Variants in TAOK1 observed in about 807,000 individuals in gnomAD.
TAOK1 encodes TAO kinase 1, also known as serine/threonine-protein kinase TAO1.
Under a neutral mutation model 138.3 loss-of-function variants are expected in TAOK1, and 21 were observed. The ratio of observed to expected loss-of-function variants is 0.15; its 90% CI spans 0.11 to 0.22. The LOEUF is 0.22. Ranked by LOEUF, TAOK1 falls within the 10% of genes least tolerant of loss-of-function variation. TAOK1 has a pLI of 1.00. For synonymous variants in TAOK1, 361 were observed against 398.4 expected (o/e 0.91, Z 1.12); for missense variants, 651 against 1,227.7 (o/e 0.53, Z 7.02).
chr17:29,446,360 G>A (rs1019461341), intron 1 of TAOK1, among the ~76,000 whole-genome samples: 3 of 151,682 alleles, frequency 2.0e-5, no homozygotes, highest in Non-Finnish European at 2.9e-5. Context: ...TCCTCCCTCA[G>A]CCTACCGAGT....
intron 1 of TAOK1, chr17:29,403,887 C>T (rs1904920246): frequency 6.6e-6 from 1 of 151,792 alleles, no homozygotes; most frequent in Non-Finnish European, 1.5e-5. Context: ...TTTACTTTGA[C>T]ATGTCGTTAT....
chr17:29,489,279 C>A (rs2031246450), intron 8 of TAOK1, among the ~76,000 whole-genome samples: 2 of 152,150 alleles, frequency 1.3e-5, no homozygotes, highest in African/African-American at 4.8e-5. Context: ...GGGAGGATCA[C>A]TTGAGCTCAA....
At chr17:29,426,739 G>A (rs905792650) in intron 1 of TAOK1, among the ~76,000 whole-genome samples, 29 of 152,118 alleles carry the variant, frequency 1.9e-4, no homozygotes, top group Non-Finnish European at 3.8e-4. Context: ...TTGGTACATT[G>A]TATGATTTGT....
chr17:29,469,748 C>A (rs757472210), intron 3 of TAOK1, among the ~76,000 whole-genome samples: 11 of 152,140 alleles, frequency 7.2e-5, no homozygotes, highest in Admixed American at 1.3e-4. Context: ...CAAAAATTTT[C>A]ATTTACCACA....
At chr17:29,420,585 G>GTTTTTTTTTTTTTT in intron 1 of TAOK1, among the ~76,000 whole-genome samples, 1 of 123,530 alleles carries the variant, frequency 8.1e-6, no homozygotes, top group Non-Finnish European at 1.6e-5. Flanking sequence ...TACTTAATCT[G>GTTTTTTTTTTTTTT]TTTTTTTTTT....
chr17:29,428,531 T>C (rs1905719720), intron 1 of TAOK1, among the ~76,000 whole-genome samples: 1 of 152,220 alleles, frequency 6.6e-6, no homozygotes, highest in Non-Finnish European at 1.5e-5. Flanking sequence ...GAAATCTGGC[T>C]CTGTTACTTA....
At chr17:29,477,211 G>C (rs1042775665) in intron 4 of TAOK1, among the ~76,000 whole-genome samples, 2 of 152,094 alleles carry the variant, frequency 1.3e-5, no homozygotes, top group South Asian at 4.1e-4. Flanking sequence ...AGAACCCACA[G>C]ATGTGAAGGG....
At chr17:29,515,943 T>TTATG (rs1009889013) in intron 15 of TAOK1, among the ~76,000 whole-genome samples, 2 of 151,928 alleles carry the variant, frequency 1.3e-5, no homozygotes, top group African/African-American at 4.8e-5. Flanking sequence ...ATTTTAATTT[T>TTATG]TATGTATGTA....
intron 3 of TAOK1, among the ~76,000 whole-genome samples, chr17:29,471,743 A>C (rs190874046): frequency 2.6e-3 from 399 of 152,274 alleles, no homozygotes; most frequent in Middle Eastern, 0.01. Flanking sequence ...AAATCTGACA[A>C]CAGTGAAGTT....
At chr17:29,526,708 C>A (rs1341251434) in intron 17 of TAOK1, among the ~76,000 whole-genome samples, 1 of 151,354 alleles carries the variant, frequency 6.6e-6, no homozygotes, top group Non-Finnish European at 1.5e-5. Flanking sequence ...GCCACCACAC[C>A]CAGCCTAAGA....
chr17:29,392,582 A>G (rs1904468299), intron 1 of TAOK1, among the ~76,000 whole-genome samples: 1 of 152,212 alleles, frequency 6.6e-6, no homozygotes, highest in African/African-American at 2.4e-5. Flanking sequence ...TTTGTGACCA[A>G]AGAGTAGTTT....
intron 2 of TAOK1, among the ~76,000 whole-genome samples, chr17:29,460,773 G>C (rs1439181890): frequency 6.6e-6 from 1 of 152,172 alleles, no homozygotes; most frequent in African/African-American, 2.4e-5. Flanking sequence ...GACTGATTAG[G>C]ATGCTTTTAT....
chr17:29,397,814 T>C (rs938330972), intron 1 of TAOK1, among the ~76,000 whole-genome samples: 1 of 150,520 alleles, frequency 6.6e-6, no homozygotes, highest in African/African-American at 2.5e-5. Flanking sequence ...TATGTATATA[T>C]GTATATACAT....
rs1038947952 is a variant in TAOK1, at chr17:29,503,198, C to A, written c.1338+475C>A. 4.0e-5 allele frequency among the ~76,000 whole-genome samples: 6 copies of A among 151,884 alleles called. No homozygotes were observed. In the South Asian group the frequency reaches 1.2e-3, roughly 32 times the overall value. ...GATCACGAGGTCAGGAGATCGAGACCATCTTGGCTAACACGATGAAACCCC... is the reference window on the plus strand; with the variant it reads ...GATCACGAGGTCAGGAGATCGAGACAATCTTGGCTAACACGATGAAACCCC... On this transcript the variant is annotated intron_variant, in intron 13 of 19. Coordinates refer to ENST00000261716, the MANE Select transcript of TAOK1 (RefSeq NM_020791.4).
chr17:29,471,122 C>T (rs917416554), intron 3 of TAOK1, among the ~76,000 whole-genome samples: 1 of 150,284 alleles, frequency 6.7e-6, no homozygotes, highest in East Asian at 2.0e-4. Flanking sequence ...TGTGCCACTG[C>T]ACTCCAGCCT....
chr17:29,508,182 C>A, intron 14 of TAOK1, 50 bp downstream of exon 14: 1 of 1,505,194 alleles, frequency 6.6e-7, no homozygotes, highest in Non-Finnish European at 9.2e-7. Flanking sequence ...TTGAATGTCT[C>A]AGAATTAACC....
At chr17:29,532,162 A>G (rs1388316649) in intron 18 of TAOK1, among the ~76,000 whole-genome samples, 1 of 152,070 alleles carries the variant, frequency 6.6e-6, no homozygotes, top group African/African-American at 2.4e-5. Context: ...GCCCGGCAAT[A>G]TGTAACCCTT....
Position 29,463,586 on chromosome 17 carries a change from T to A in TAOK1, c.133-3559T>A, listed in dbSNP as rs78407816. 8.8e-5 allele frequency among the ~76,000 whole-genome samples: 13 copies of A among 147,492 alleles called. No individual in the cohort carries two copies. In the East Asian group the frequency reaches 1.2e-3, roughly 14 times the overall value. On this transcript the variant is annotated intron_variant, in intron 2 of 19. Transcript: ENST00000261716. ...ACTCCATCTCAAAAAAAAAAAAAAA[T>A]TAACTCAAAATAGATGAGAGACGTA...
At chr17:29,532,500 CA>C (rs2032136771) in intron 18 of TAOK1, among the ~76,000 whole-genome samples, 1 of 152,040 alleles carries the variant, frequency 6.6e-6, no homozygotes, top group East Asian at 1.9e-4. Context: ...TCGGCCTTCC[CA>C]GTGTTTGTGT....
Sources: gnomAD v4.1 joint callset for allele counts (sites outside exome capture counted in the v4.1 genomes callset) on GRCh38, gnomAD v4.1.1 for gene constraint, MANE v1.5 for transcripts, NCBI Gene and HGNC (gene_info 2026-07-23, HGNC 2026-07-21) for gene names.